Variants in HERC4 observed in about 807,000 individuals in gnomAD.
HERC4 encodes probable E3 ubiquitin-protein ligase HERC4.
HERC4 carries 28 observed loss-of-function variants against 124.3 expected under a neutral mutation model. That is an observed-to-expected ratio of 0.23 (90% CI 0.17 to 0.31). HERC4 has a LOEUF of 0.31. HERC4 is among the 10% of genes least tolerant of loss of function. The probability of loss-of-function intolerance (pLI) is 1.00; values close to 1 mark genes in which losing one functional copy is unlikely to be tolerated. For synonymous variants in HERC4, 407 were observed against 421.5 expected, an observed-to-expected ratio of 0.97 and a Z score of 0.42; for missense variants, 713 against 1,229.3, an observed-to-expected ratio of 0.58 and a Z score of 6.28.
intron 3 of HERC4, among the ~76,000 whole-genome samples, chr10:68,049,422 G>C (rs7917339): frequency 0.019 from 2,887 of 151,858 alleles, 88 homozygotes; most frequent in African/African-American, 0.066. Flanking sequence ...CCAGGACTTT[G>C]GGAGGCTGAG....
At chr10:68,057,759 T>C (rs1022989383) in intron 3 of HERC4, among the ~76,000 whole-genome samples, 4 of 151,726 alleles carry the variant, frequency 2.6e-5, no homozygotes, top group Non-Finnish European at 5.9e-5. Context: ...CAGGATAGAG[T>C]GCAGTGGTGC....
At chr10:67,965,255 C>T (rs1201134219) in intron 16 of HERC4, 1 of 151,992 alleles carries the variant, frequency 6.6e-6, no homozygotes, top group Non-Finnish European at 1.5e-5. Context: ...TTACTAAGTC[C>T]CCTCATTTTA....
At chr10:68,056,717 C>T (rs1020886980) in intron 3 of HERC4, among the ~76,000 whole-genome samples, 4 of 152,098 alleles carry the variant, frequency 2.6e-5, no homozygotes, top group Admixed American at 1.3e-4. Context: ...GGCCACAGTT[C>T]TCATGTACAC....
chr10:68,010,619 T>C (rs1468841849), intron 9 of HERC4: 2 of 1,391,260 alleles, frequency 1.4e-6, no homozygotes, highest in East Asian at 2.4e-5. Context: ...CGGCTTTGCA[T>C]ATCTCCTGAA....
At chr10:68,022,761 GA>G (rs2038705445) in intron 8 of HERC4, among the ~76,000 whole-genome samples, 1 of 151,738 alleles carries the variant, frequency 6.6e-6, no homozygotes, top group Non-Finnish European at 1.5e-5. Flanking sequence ...CCCACAGAAT[GA>G]AAGAAAATAT....
intron 4 of HERC4, chr10:68,040,214 A>C (rs1282933949): frequency 3.1e-6 from 3 of 983,578 alleles, no homozygotes; most frequent in Non-Finnish European, 3.6e-6. Context: ...TCTCCTTTCC[A>C]AAATACTAAC....
intron 3 of HERC4, among the ~76,000 whole-genome samples, chr10:68,048,106 A>C (rs2040107512): frequency 6.6e-6 from 1 of 151,972 alleles, no homozygotes; most frequent in Non-Finnish European, 1.5e-5. Context: ...TCTTGTAGCA[A>C]CAGGGTCTCA....
chr10:67,932,861 T>C (rs2031971990), intron 22 of HERC4, 81 bp from the exon 23 acceptor site: 1 of 1,243,372 alleles, frequency 8.0e-7, no homozygotes, highest in African/African-American at 1.6e-5. Flanking sequence ...AAACTTCAAG[T>C]GCTCCTACAA....
chr10:68,060,953 T>C (rs1248866065), intron 3 of HERC4, among the ~76,000 whole-genome samples: 1 of 152,090 alleles, frequency 6.6e-6, no homozygotes, highest in African/African-American at 2.4e-5. Context: ...CTTCTAATAA[T>C]GTATAGGTAA....
intron 9 of HERC4, among the ~76,000 whole-genome samples, chr10:67,996,983 G>A (rs1456154958): frequency 6.0e-5 from 9 of 150,690 alleles, no homozygotes; most frequent in Admixed American, 1.3e-4. Flanking sequence ...GCAAGACTCC[G>A]TCTCGAAAAA....
intron 4 of HERC4, among the ~76,000 whole-genome samples, chr10:68,041,440 G>T (rs1322735953): frequency 6.6e-6 from 1 of 151,980 alleles, no homozygotes; most frequent in African/African-American, 2.4e-5. Flanking sequence ...CAAATTTTCA[G>T]ATGCTAAAAT....
intron 9 of HERC4, among the ~76,000 whole-genome samples, chr10:68,004,546 T>G (rs2037424736): frequency 6.6e-6 from 1 of 152,214 alleles, no homozygotes; most frequent in Non-Finnish European, 1.5e-5. Flanking sequence ...TTATTCCATT[T>G]GTACATGCTT....
Position 68,065,832 on chromosome 10 carries a change from T to C in HERC4, c.226+7051A>G, listed in dbSNP as rs116110607. On this transcript the variant is annotated intron_variant, in intron 3 of 24. Transcript: ENST00000373700. ...CCACGATTTAACCACTGTACTCCAG[T>C]GACAACAAGATCCTGTCTAAAAAAA... Among the ~76,000 whole-genome samples the C allele has an allele frequency of 7.1e-3, 1,083 of 152,236 alleles. 13 individuals carry two copies. Among genetic ancestry groups the C allele is most frequent in the African/African-American group, 0.025 (1,027 of 41,532 alleles).
At chr10:67,956,166 C>T (rs1342646783) in intron 17 of HERC4, 1 of 152,076 alleles carries the variant, frequency 6.6e-6, no homozygotes, top group Non-Finnish European at 1.5e-5. Flanking sequence ...TTCATCCTTT[C>T]CTTAATCCTT....
rs571309040 is a variant in HERC4, at chr10:67,996,999, GA to G, written c.1070-4318del. ...CAAGACTCCGTCTCGAAAAAAAAAA[GA>G]AAAAAAAAGAAAATCATTATGACTT... On this transcript the variant is annotated intron_variant, in intron 9 of 24. Coordinates refer to ENST00000373700, the MANE Select transcript of HERC4 (RefSeq NM_015601.4). Among the ~76,000 whole-genome samples the G allele has an allele frequency of 3.3e-3, 484 of 145,744 alleles. 2 individuals carry two copies. Among genetic ancestry groups the G allele is most frequent in the Non-Finnish European group, 6.3e-3 (412 of 65,174 alleles).
At chr10:68,009,558 A>G (rs1478620833) in intron 9 of HERC4, among the ~76,000 whole-genome samples, 1 of 152,208 alleles carries the variant, frequency 6.6e-6, no homozygotes, top group Non-Finnish European at 1.5e-5. Context: ...GTTGATGGAG[A>G]GTCTCGCCTC....
intron 19 of HERC4, among the ~76,000 whole-genome samples, chr10:67,946,391 AC>A (rs1360778803): frequency 1.0e-4 from 15 of 145,726 alleles, no homozygotes; most frequent in African/African-American, 3.9e-4. Flanking sequence ...ACACACACAC[AC>A]ACACAAGACC....
intron 7 of HERC4, among the ~76,000 whole-genome samples, chr10:68,027,644 G>A (rs1052025802): frequency 6.6e-6 from 1 of 152,210 alleles, no homozygotes; most frequent in South Asian, 2.1e-4. Flanking sequence ...TAAGTCGGGT[G>A]GGGCACGGTG....
chr10:67,944,054 G>A (rs1418841184), intron 19 of HERC4, among the ~76,000 whole-genome samples: 1 of 152,326 alleles, frequency 6.6e-6, no homozygotes, highest in Non-Finnish European at 1.5e-5. Flanking sequence ...CACAAGCTTC[G>A]CTGGCTTCAC....
Sources: gnomAD v4.1 joint callset for allele counts (sites outside exome capture counted in the v4.1 genomes callset) on GRCh38, gnomAD v4.1.1 for gene constraint, MANE v1.5 for transcripts, NCBI Gene and HGNC (gene_info 2026-07-23, HGNC 2026-07-21) for gene names.